Variants in CD96 observed in about 807,000 individuals in gnomAD.
The protein encoded by CD96 is CD96 molecule, also known as T-cell surface protein tactile.
Under a neutral mutation model 71.3 loss-of-function variants are expected in CD96, and 70 were observed. The ratio of observed to expected loss-of-function variants is 0.98; its 90% CI spans 0.81 to 1.20. The LOEUF (loss-of-function observed/expected upper bound fraction) is 1.20. Among genes scored for constraint, CD96 ranks in the 50% most tolerant of loss-of-function variants. The pLI is 0.00. For synonymous variants in CD96, 248 were observed against 233.0 expected, an observed-to-expected ratio of 1.06 and a Z score of -0.59; for missense variants, 742 against 677.5, an observed-to-expected ratio of 1.10 and a Z score of -1.06.
intron 2 of CD96, among the ~76,000 whole-genome samples, chr3:111,561,743 C>A (rs551062635): frequency 6.9e-6 from 1 of 144,952 alleles, no homozygotes; most frequent in African/African-American, 2.6e-5. Flanking sequence ...CCACCCAGTT[C>A]GAGCTTCCCG....
At chr3:111,593,748 A>T in intron 5 of CD96, 1 of 1,613,840 alleles carries the variant, frequency 6.2e-7, no homozygotes, top group Non-Finnish European at 8.5e-7. Context: ...TGGCTGGCCC[A>T]CAAAGCCATG....
At chr3:111,622,750 G>C (rs561649992) in intron 8 of CD96, among the ~76,000 whole-genome samples, 4 of 152,250 alleles carry the variant, frequency 2.6e-5, no homozygotes, top group African/African-American at 9.6e-5. Context: ...AAGATCTGGG[G>C]AAAAGTTTCT....
intron 5 of CD96, among the ~76,000 whole-genome samples, chr3:111,591,666 G>T (rs1408539834): frequency 6.6e-6 from 1 of 152,134 alleles, no homozygotes; most frequent in Non-Finnish European, 1.5e-5. Context: ...ACTTGCACTG[G>T]TGAGCACCTG....
At position 111,618,130 on chromosome 3, in the gene CD96, G is replaced by A. The variant is rs1027861682; in HGVS notation, c.1181-5624G>A. ...CAGTGGCCAGACCCCACGCTCACTCGTTCACACACCCCTTGCTGCTCTGCA... is the reference window on the plus strand; with the variant it reads ...CAGTGGCCAGACCCCACGCTCACTCATTCACACACCCCTTGCTGCTCTGCA... On this transcript the variant is annotated intron_variant, in intron 8 of 13. Coordinates refer to ENST00000352690, the MANE Select transcript of CD96 (RefSeq NM_005816.5). Among the ~76,000 whole-genome samples, 59 of 152,204 alleles carry A rather than the reference G, an allele frequency of 3.9e-4. 1 individual carries two copies. Among genetic ancestry groups the A allele is most frequent in the Admixed American group, 3.7e-3 (56 of 15,282 alleles).
chr3:111,553,434 C>CTTTTTTTTTTTTTTTTT (rs34837219), intron 2 of CD96, among the ~76,000 whole-genome samples: 1 of 115,184 alleles, frequency 8.7e-6, no homozygotes, highest in Non-Finnish European at 1.8e-5. Context: ...TTTCTTTTTT[C>CTTTTTTTTTTTTTTTTT]TTTTTTTTTT....
At chr3:111,574,729 G>C (rs1410928003) in intron 3 of CD96, among the ~76,000 whole-genome samples, 2 of 151,632 alleles carry the variant, frequency 1.3e-5, no homozygotes, top group African/African-American at 4.8e-5. Context: ...TTCTCCTTAA[G>C]TATATTTTTA....
intron 5 of CD96, chr3:111,593,012 A>G (rs1374243166): frequency 6.6e-6 from 1 of 152,282 alleles, no homozygotes; most frequent in Non-Finnish European, 1.5e-5. Flanking sequence ...TTGTCCTTCC[A>G]CTTGCTGGGT....
chr3:111,593,764 C>T (rs375236307), intron 5 of CD96: 274 of 1,614,102 alleles, frequency 1.7e-4, no homozygotes, highest in Non-Finnish European at 2.3e-4. Context: ...CCATGGTGCC[C>T]ACCTGCTCCA....
intron 2 of CD96, among the ~76,000 whole-genome samples, chr3:111,549,485 G>A (rs1427546926): frequency 6.6e-6 from 1 of 152,136 alleles, no homozygotes; most frequent in Non-Finnish European, 1.5e-5. Context: ...TTTCAAAAAT[G>A]CATCTTTGTG....
intron 8 of CD96, among the ~76,000 whole-genome samples, chr3:111,612,179 G>T (rs1297588444): frequency 2.0e-5 from 3 of 152,192 alleles, no homozygotes; most frequent in Admixed American, 6.5e-5. Flanking sequence ...AGTTGCAAGA[G>T]CAGGGAGAAA....
At chr3:111,606,387 G>A (rs1937624897) in intron 7 of CD96, among the ~76,000 whole-genome samples, 1 of 152,012 alleles carries the variant, frequency 6.6e-6, no homozygotes, top group African/African-American at 2.4e-5. Context: ...ACTTTTTCCA[G>A]GGAGCCTTCT....
At chr3:111,622,780 A>G (rs548954453) in intron 8 of CD96, among the ~76,000 whole-genome samples, 1 of 152,178 alleles carries the variant, frequency 6.6e-6, no homozygotes, top group Non-Finnish European at 1.5e-5. Context: ...CAACAAAAAG[A>G]ATAACTATTT....
intron 2 of CD96, among the ~76,000 whole-genome samples, chr3:111,546,270 G>A (rs181668589): frequency 6.6e-6 from 1 of 152,298 alleles, no homozygotes; most frequent in East Asian, 1.9e-4. Flanking sequence ...CCTGAATGGT[G>A]GTGCTATTCA....
chr3:111,641,455 T>C (rs538306166), intron 12 of CD96, among the ~76,000 whole-genome samples: 7 of 152,324 alleles, frequency 4.6e-5, no homozygotes, highest in African/African-American at 1.7e-4. Flanking sequence ...ATCACAATTC[T>C]AAACATACAT....
At chr3:111,556,336 C>T (rs372974910) in intron 2 of CD96, among the ~76,000 whole-genome samples, 18 of 138,142 alleles carry the variant, frequency 1.3e-4, no homozygotes, top group East Asian at 6.6e-4. Flanking sequence ...GTATATCTCC[C>T]AATGCTATCC....
chr3:111,576,752 G>A (rs965920166), intron 3 of CD96, among the ~76,000 whole-genome samples: 8 of 152,240 alleles, frequency 5.3e-5, no homozygotes, highest in Non-Finnish European at 1.5e-5. Context: ...TTTAAACTAT[G>A]ACTAATAAGA....
intron 2 of CD96, among the ~76,000 whole-genome samples, chr3:111,552,064 T>C (rs1020859630): frequency 6.6e-6 from 1 of 152,198 alleles, no homozygotes; most frequent in Non-Finnish European, 1.5e-5. Context: ...GTTGAGCTTT[T>C]TTTCATATTT....
In CD96 at chr3:111,593,793, C is replaced by T. The variant is rs148715222; in HGVS notation, c.808-4327C>T. On this transcript the variant is annotated intron_variant, in intron 5 of 13. Coordinates refer to ENST00000352690, the MANE Select transcript of CD96 (RefSeq NM_005816.5). ...TGCTCCAGGAGCCTACCCCAGTTACCCTCAATGCCTGTGGGGAGCTGGGGC... is the reference window on the plus strand; with the variant it reads ...TGCTCCAGGAGCCTACCCCAGTTACTCTCAATGCCTGTGGGGAGCTGGGGC... The T allele has an allele frequency of 1.6e-5, 26 of 1,614,246 alleles. No individual in the cohort carries two copies. In the African/African-American group the frequency reaches 3.3e-4, roughly 21 times the overall value.
At chr3:111,631,000 T>A (rs1457169154) in intron 10 of CD96, among the ~76,000 whole-genome samples, 1 of 152,072 alleles carries the variant, frequency 6.6e-6, no homozygotes, top group Non-Finnish European at 1.5e-5. Flanking sequence ...AGAACATACC[T>A]CAAAATAATA....
Sources: allele counts gnomAD v4.1 joint callset (sites outside exome capture counted in the v4.1 genomes callset), GRCh38; gene constraint gnomAD v4.1.1; transcripts MANE v1.5; gene names NCBI Gene and HGNC (gene_info 2026-07-23, HGNC 2026-07-21).